Variants in KMT2C observed in about 807,000 individuals in gnomAD.
KMT2C encodes lysine methyltransferase 2C.
KMT2C carries 88 observed loss-of-function variants against 507.9 expected under a neutral mutation model. The observed-to-expected ratio is 0.17, with a 90% confidence interval of 0.15 to 0.21. The LOEUF is 0.21. Ranked by LOEUF, KMT2C falls within the 10% of genes least tolerant of loss-of-function variation. KMT2C has a pLI of 1.00. For synonymous variants in KMT2C, 2,049 were observed against 2,080.8 expected (o/e 0.98, Z 0.42); for missense variants, 4,954 against 5,957.8 (o/e 0.83, Z 5.55).
intron 2 of KMT2C, among the ~76,000 whole-genome samples, chr7:152,349,375 C>T (rs995433538): frequency 2.0e-5 from 3 of 149,162 alleles, no homozygotes; most frequent in African/African-American, 5.0e-5. Flanking sequence ...AACCGGGAGG[C>T]GGAGACTGCA....
At chr7:152,353,638 C>T (rs1589390707) in intron 2 of KMT2C, among the ~76,000 whole-genome samples, 1 of 152,064 alleles carries the variant, frequency 6.6e-6, no homozygotes, top group Non-Finnish European at 1.5e-5. Context: ...GCTAGGACTA[C>T]AGGTGCACAC....
At chr7:152,262,504 A>T (rs2095796855) in intron 9 of KMT2C, among the ~76,000 whole-genome samples, 1 of 152,228 alleles carries the variant, frequency 6.6e-6, no homozygotes, top group Non-Finnish European at 1.5e-5. Flanking sequence ...AAGTTAGTTA[A>T]TGAGCTCATC....
rs527674899 is a variant in KMT2C, at chr7:152,319,642, G to A, written c.390-4304C>T. Among the ~76,000 whole-genome samples the A allele has an allele frequency of 7.9e-5, 12 of 151,946 alleles. No individual in the cohort carries two copies. The East Asian group carries it at 1.6e-3, about 20-fold the overall frequency. Reference sequence around the variant, plus strand: ...GGAGGGCCTGACATCAGTCAGGCCCGCCCGCAGTTATCCAGAGGCCTAACC... The same window carrying A: ...GGAGGGCCTGACATCAGTCAGGCCCACCCGCAGTTATCCAGAGGCCTAACC... On this transcript the variant is annotated intron_variant, in intron 3 of 58. Coordinates refer to ENST00000262189, the MANE Select transcript of KMT2C (RefSeq NM_170606.3).
chr7:152,336,243 T>C (rs2096934205), intron 2 of KMT2C, among the ~76,000 whole-genome samples: 1 of 152,240 alleles, frequency 6.6e-6, no homozygotes, highest in Non-Finnish European at 1.5e-5. Flanking sequence ...TATTTGATAC[T>C]TCAGGTAATA....
chr7:152,139,853 A>T (rs1563115966), intron 55 of KMT2C, 62 bp from the exon 56 acceptor site: 1 of 1,221,812 alleles, frequency 8.2e-7, no homozygotes, highest in African/African-American at 1.5e-5. Context: ...TCTGTTTTTC[A>T]TACAAAGGTT....
At position 152,144,897 on chromosome 7, in the gene KMT2C, T is replaced by C. The variant is rs2129092929; in HGVS notation, c.14175-16A>G. ...GGTGTGAGGCCTGCAGACAATGGCA[T>C]ATCAACAGGAAAAAAATACAAGGAA... On this transcript the variant is annotated splice_polypyrimidine_tract_variant and intron_variant, in intron 54 of 58. Coordinates refer to ENST00000262189, the MANE Select transcript of KMT2C (RefSeq NM_170606.3). This position sits in a 1 kb window ranked among gnomAD's most constrained non-coding sequence, Gnocchi z 4.4. The C allele has an allele frequency of 1.9e-6, 3 of 1,594,560 alleles. No homozygotes were observed. Among genetic ancestry groups the C allele is most frequent in the Admixed American group, 3.5e-5 (2 of 57,498 alleles).
intron 6 of KMT2C, among the ~76,000 whole-genome samples, chr7:152,290,218 A>ATATG (rs201473266): frequency 9.2e-6 from 1 of 108,744 alleles, no homozygotes; most frequent in Admixed American, 9.8e-5. Context: ...TTTTATATAT[A>ATATG]TATGTGTGTG....
intron 3 of KMT2C, among the ~76,000 whole-genome samples, chr7:152,324,812 G>A (rs1212662240): frequency 6.6e-6 from 1 of 151,812 alleles, no homozygotes; most frequent in Non-Finnish European, 1.5e-5. Flanking sequence ...CCAAAACTAG[G>A]ACATTACAAT....
intron 24 of KMT2C, among the ~76,000 whole-genome samples, 170 bp from the exon 25 acceptor site, chr7:152,205,395 C>CAAAAAAAA (rs35077313): frequency 1.7e-5 from 1 of 57,190 alleles, no homozygotes; most frequent in African/African-American, 6.0e-5. Flanking sequence ...TAAAAACGAC[C>CAAAAAAAA]AAAAAAAAAA....
chr7:152,145,671 T>C (rs778365915), intron 53 of KMT2C, among the ~76,000 whole-genome samples: 3 of 152,236 alleles, frequency 2.0e-5, no homozygotes, highest in African/African-American at 4.8e-5. Context: ...CCTGTATTAA[T>C]GCCAACTTTT....
intron 1 of KMT2C, among the ~76,000 whole-genome samples, chr7:152,384,700 T>C (rs563868274): frequency 6.8e-4 from 104 of 152,232 alleles, no homozygotes; most frequent in Middle Eastern, 3.4e-3. Flanking sequence ...CAGTAACAGA[T>C]ACATTAAAAA....
At chr7:152,155,811 T>A (rs748349400) in intron 46 of KMT2C, 99 bp downstream of exon 46, 12 of 1,159,328 alleles carry the variant, frequency 1.0e-5, no homozygotes, top group Non-Finnish European at 1.2e-5. Context: ...TCAAATGTTT[T>A]TACATGCTAT....
rs2129095618 is a variant in KMT2C at position 152,148,944 on chromosome 7, G to A, written c.12983C>T (p.Thr4328Ile). The change falls in exon 52 of 59, where the codon ACA becomes ATA. Residue 4328 changes from threonine (T) to isoleucine (I), a missense_variant. Physicochemically the swap from Thr to Ile is moderately conservative, Grantham distance 89. This residue lies in a region of KMT2C where 417 missense variants were observed against 461.1 expected (regional missense o/e 0.90). Coordinates refer to ENST00000262189, the MANE Select transcript of KMT2C (RefSeq NM_170606.3). This position sits in a 1 kb window ranked among gnomAD's most constrained non-coding sequence, Gnocchi z 7.1. ...VEAKPDELKV[T>I]VKLKPRLRAV... is the part of the protein sequence containing the mutation. Reference sequence around the variant, plus strand: ...TCTTAGCCGAGGCTTCAGCTTGACTGTCACCTTCAGCTCATCTGGCTTGGC... The same window carrying A: ...TCTTAGCCGAGGCTTCAGCTTGACTATCACCTTCAGCTCATCTGGCTTGGC... The A allele has an allele frequency of 6.2e-7, 1 of 1,609,768 alleles. No homozygotes were observed. Among genetic ancestry groups the A allele is most frequent in the Admixed American group, 1.7e-5 (1 of 59,762 alleles).
chr7:152,361,289 G>T (rs1272382235), intron 1 of KMT2C, among the ~76,000 whole-genome samples: 1 of 152,146 alleles, frequency 6.6e-6, no homozygotes, highest in South Asian at 2.1e-4. Context: ...GGCTGGGCAC[G>T]GTGGCTCACG....
intron 1 of KMT2C, among the ~76,000 whole-genome samples, chr7:152,394,509 T>G (rs2097525212): frequency 6.6e-6 from 1 of 152,244 alleles, no homozygotes; most frequent in Non-Finnish European, 1.5e-5. Flanking sequence ...CTTTGCATTC[T>G]TATTTCTTTT....
intron 16 of KMT2C, 105 bp from the exon 17 acceptor site, chr7:152,230,426 A>G (rs2095072448): frequency 5.5e-6 from 3 of 545,394 alleles, no homozygotes; most frequent in South Asian, 5.9e-5. Context: ...TATTTTGGCT[A>G]AGGTCTAGAA....
rs1170069078 is a variant in KMT2C at position 152,135,368 on chromosome 7, TTAAG to T, written c.*1460_*1463del. ...AAGCTAACCTGGTTCAAAATGCTGA[TTAAG>T]TTTCTACAAGCAAACACAAAACAGT... On this transcript the variant is annotated 3_prime_UTR_variant, in exon 59 of 59. Coordinates refer to ENST00000262189, the MANE Select transcript of KMT2C (RefSeq NM_170606.3). The T allele has an allele frequency of 4.6e-6, 1 of 216,618 alleles. No homozygotes were observed. The highest frequency in any genetic ancestry group is 7.0e-5 in the East Asian group (1 of 14,382). 13.4% of individuals were successfully genotyped at this position (216,618 alleles called of 1,614,324 possible). A position where few individuals can be genotyped will look rare whatever the true frequency, so the allele number is the denominator to read the frequency against.
chr7:152,184,069 T>A (rs1702081448), intron 34 of KMT2C, among the ~76,000 whole-genome samples: 2 of 113,960 alleles, frequency 1.8e-5, no homozygotes, highest in South Asian at 2.9e-4. Flanking sequence ...TGAAGCTCCA[T>A]CTCAAAAAAA....
intron 42 of KMT2C, among the ~76,000 whole-genome samples, chr7:152,164,831 C>T (rs764340055): frequency 8.5e-5 from 13 of 152,194 alleles, no homozygotes; most frequent in South Asian, 4.1e-4. Context: ...GTGCTCAATA[C>T]TACAGGCCAG....
Sources: allele counts gnomAD v4.1 joint callset (sites outside exome capture counted in the v4.1 genomes callset), GRCh38; gene constraint gnomAD v4.1.1; regional missense constraint gnomAD v4.1.1; non-coding constraint Gnocchi (gnomAD v3.1); transcripts MANE v1.5; gene names NCBI Gene and HGNC (gene_info 2026-07-23, HGNC 2026-07-21).